MSH3: variants seen among roughly 807,000 people sequenced by gnomAD.
MSH3 encodes DNA mismatch repair protein Msh3.
A neutral mutation model predicts 123.3 loss-of-function variants in MSH3; 106 were observed. That is an observed-to-expected ratio of 0.86 (90% CI 0.73 to 1.01). The LOEUF is 1.01. MSH3 is among the 50% of genes least tolerant of loss of function. The probability of loss-of-function intolerance (pLI) is 0.00; values close to 1 mark genes in which losing one functional copy is unlikely to be tolerated. For synonymous variants in MSH3, 515 were observed against 481.4 expected (o/e 1.07, Z -0.91); for missense variants, 1,459 against 1,347.6 (o/e 1.08, Z -1.29).
chr5:80,816,667 A>G (rs1443546154), intron 20 of MSH3, among the ~76,000 whole-genome samples: 1 of 152,230 alleles, frequency 6.6e-6, no homozygotes, highest in Non-Finnish European at 1.5e-5. Flanking sequence ...TGAAAGGATC[A>G]GTAAGTAGCT....
intron 8 of MSH3, among the ~76,000 whole-genome samples, chr5:80,691,195 T>C (rs978312032): frequency 6.6e-6 from 1 of 151,958 alleles, no homozygotes; most frequent in Non-Finnish European, 1.5e-5. Flanking sequence ...ATTGCCTACA[T>C]AGAAAATCTA....
chr5:80,813,456 C>G, intron 19 of MSH3, 128 bp from the exon 20 acceptor site: 1 of 964,346 alleles, frequency 1.0e-6, no homozygotes, highest in Non-Finnish European at 1.6e-6. Flanking sequence ...CAGAGGACCG[C>G]TTTCCTTTTG....
chr5:80,775,864 C>A (rs1744290252), intron 16 of MSH3, 106 bp downstream of exon 16: 7 of 685,216 alleles, frequency 1.0e-5, no homozygotes, highest in Non-Finnish European at 2.6e-6. Flanking sequence ...AAAAGCAATT[C>A]TTTTTACTTA....
rs758718643 is a variant in MSH3, at chr5:80,654,905, G to GCCGCAGCGGCCGCAGCGCCCGCAGCGC, written c.186_187insGCCGCAGCGCCCGCAGCGCCCGCAGCG (p.Ala62_Pro63insAlaAlaAlaProAlaAlaProAlaAla). ...TGCAGCGGCTGCAGCGGCCGCAGCG[G>GCCGCAGCGGCCGCAGCGCCCGCAGCGC]CCGCAGCGCCCCCAGCGCCCCCAGC... is the stretch of plus-strand genomic sequence containing the variant. On this transcript the variant is annotated inframe_insertion, in exon 1 of 24. Coordinates refer to ENST00000265081, the MANE Select transcript of MSH3 (RefSeq NM_002439.5). 7 of 1,494,380 alleles carry GCCGCAGCGGCCGCAGCGCCCGCAGCGC rather than the reference G, an allele frequency of 4.7e-6. No individual in the cohort carries two copies. The highest frequency in any genetic ancestry group is 4.4e-5 in the Admixed American group (2 of 45,778). The allele number at this position is 1,494,380 out of a possible 1,614,324, so 92.6% of individuals were successfully genotyped here.
chr5:80,739,669 A>G (rs924510610), intron 10 of MSH3, among the ~76,000 whole-genome samples: 2 of 152,230 alleles, frequency 1.3e-5, no homozygotes, highest in Non-Finnish European at 2.9e-5. Context: ...TCCCGCTGAA[A>G]ATCATTAACA....
At chr5:80,808,873 A>ATATATATGTATATATATATATATATG (rs58133423) in intron 19 of MSH3, among the ~76,000 whole-genome samples, 2 of 137,044 alleles carry the variant, frequency 1.5e-5, no homozygotes, top group African/African-American at 5.4e-5. Flanking sequence ...ATATATATAT[A>ATATATATGTATATATATATATATATG]TATATATATA....
intron 10 of MSH3, among the ~76,000 whole-genome samples, chr5:80,733,200 G>A (rs1206419710): frequency 6.6e-6 from 1 of 152,140 alleles, no homozygotes; most frequent in Non-Finnish European, 1.5e-5. Flanking sequence ...TTTGATTACT[G>A]ACAGGGGTGT....
At chr5:80,733,596 A>AAT (rs113921589) in intron 10 of MSH3, among the ~76,000 whole-genome samples, 55,768 of 150,258 alleles carry the variant, frequency 0.37, 10,369 homozygotes, top group African/African-American at 0.44. Context: ...TTGTATCTAG[A>AAT]ATATATATAT....
rs1743682103 is a variant in MSH3, at chr5:80,744,611, T to C, written c.1759T>C (p.Leu587=). The part of the protein sequence containing the change: ...KKWVTQPLLK[L]REINARLDAV... ...GTGGGTGACCCAGCCACTCCTTAAA[T>C]TAAGGTAAAAGGAATTCTTTTTGGG... The change falls in exon 12 of 24, where the codon TTA becomes CTA. Residue 587 remains leucine (L), a synonymous_variant. Coordinates refer to ENST00000265081, the MANE Select transcript of MSH3 (RefSeq NM_002439.5). The C allele has an allele frequency of 1.2e-6, 2 of 1,608,514 alleles. No homozygotes were observed. Among genetic ancestry groups the C allele is most frequent in the South Asian group, 1.1e-5 (1 of 90,778 alleles).
chr5:80,675,064 G>A lies in MSH3; in HGVS notation c.1109G>A (p.Cys370Tyr). The A allele has an allele frequency of 6.2e-7, 1 of 1,613,546 alleles. No individual in the cohort carries two copies. The highest frequency in any genetic ancestry group is 8.5e-7 in the Non-Finnish European group (1 of 1,179,720). Reference sequence around the variant, plus strand: ...GATACTTCTACCAGCTATCTTCTGTGCATCTCTGAAAATAAGGAAAATGTT... The same window carrying A: ...GATACTTCTACCAGCTATCTTCTGTACATCTCTGAAAATAAGGAAAATGTT... ...MTDTSTSYLL[C>Y]ISENKENVRD... Residue 370 changes from cysteine to tyrosine, a missense_variant, in exon 7 of 24, where the codon TGC becomes TAC. Cys to Tyr is a radical substitution (Grantham distance 194). Coordinates refer to ENST00000265081, the MANE Select transcript of MSH3 (RefSeq NM_002439.5).
intron 17 of MSH3, among the ~76,000 whole-genome samples, chr5:80,781,315 A>G (rs2112011445): frequency 6.6e-6 from 1 of 152,122 alleles, no homozygotes; most frequent in South Asian, 2.1e-4. Flanking sequence ...TGGTGAGGTA[A>G]TTTCATGTTC....
chr5:80,738,445 T>A (rs533971724), intron 10 of MSH3, among the ~76,000 whole-genome samples: 3 of 152,272 alleles, frequency 2.0e-5, no homozygotes, highest in East Asian at 1.9e-4. Context: ...TCACTTTTAG[T>A]TGGAGTCAGG....
chr5:80,854,455 A>C (rs1745883208), intron 21 of MSH3, 139 bp downstream of exon 21: 2 of 720,700 alleles, frequency 2.8e-6, no homozygotes, highest in African/African-American at 3.6e-5. Flanking sequence ...TGATTAAATT[A>C]ACCTAATTAA....
At chr5:80,856,167 G>A (rs1255107920) in intron 21 of MSH3, among the ~76,000 whole-genome samples, 1 of 152,110 alleles carries the variant, frequency 6.6e-6, no homozygotes, top group African/African-American at 2.4e-5. Flanking sequence ...TTATAGGCAT[G>A]AGTTACCATG....
At chr5:80,804,342 C>T (rs1297620810) in intron 19 of MSH3, among the ~76,000 whole-genome samples, 1 of 152,152 alleles carries the variant, frequency 6.6e-6, no homozygotes, top group East Asian at 1.9e-4. Context: ...CAGGTCTGAC[C>T]CAGTGAGCAT....
chr5:80,660,031 T>C (rs1182064707), intron 2 of MSH3, among the ~76,000 whole-genome samples: 1 of 150,836 alleles, frequency 6.6e-6, no homozygotes, highest in African/African-American at 2.4e-5. Flanking sequence ...TACGTATTTT[T>C]GAAAACCAAG....
intron 18 of MSH3, among the ~76,000 whole-genome samples, chr5:80,791,892 T>C (rs1219483296): frequency 6.6e-6 from 1 of 152,128 alleles, no homozygotes; most frequent in Admixed American, 6.6e-5. Flanking sequence ...GAAGGAGAGC[T>C]GAGAGTAGGG....
At chr5:80,741,968 C>G (rs936594321) in intron 11 of MSH3, among the ~76,000 whole-genome samples, 1 of 150,032 alleles carries the variant, frequency 6.7e-6, no homozygotes, top group African/African-American at 2.4e-5. Context: ...TTCAGTTTGA[C>G]TGTAAGATGC....
In MSH3 at chr5:80,758,969, G is replaced by A. The variant is rs927585852; in HGVS notation, c.1764-2577G>A. Among the ~76,000 whole-genome samples, 5 of 152,240 alleles carry A rather than the reference G, an allele frequency of 3.3e-5. No individual in the cohort carries two copies. In the East Asian group the frequency reaches 7.7e-4, roughly 23 times the overall value. ...ATTTATGCAGGAGTGAGTTATTAAA[G>A]TAAAACTTTATATTTGTATAACATT... On this transcript the variant is annotated intron_variant, in intron 12 of 23. Coordinates refer to ENST00000265081, the MANE Select transcript of MSH3 (RefSeq NM_002439.5).
Sources: gnomAD v4.1 joint callset for allele counts (sites outside exome capture counted in the v4.1 genomes callset) on GRCh38, gnomAD v4.1.1 for gene constraint, MANE v1.5 for transcripts, NCBI Gene and HGNC (gene_info 2026-07-23, HGNC 2026-07-21) for gene names.